PLXNA2: variants seen among roughly 807,000 people sequenced by gnomAD.
PLXNA2 encodes plexin A2, also known as plexin-A2.
In PLXNA2, 91 loss-of-function variants were observed where a neutral mutation model predicts 193.5. The ratio of observed to expected loss-of-function variants is 0.47; its 90% CI spans 0.40 to 0.56. The LOEUF is 0.56. Among genes scored for constraint, PLXNA2 ranks in the 20% least tolerant of loss-of-function variants. The pLI, the probability that PLXNA2 is intolerant of heterozygous loss-of-function variation, is 0.00. For missense variants in PLXNA2, 1,995 were observed against 2,503.2 expected, an observed-to-expected ratio of 0.80 and a Z score of 4.33; for synonymous variants, 997 against 1,027.3, an observed-to-expected ratio of 0.97 and a Z score of 0.56.
In PLXNA2 at chr1:208,045,094, G is replaced by A; in HGVS notation, c.3612C>T (p.Pro1204=). 6.2e-7 allele frequency: 1 copy of A among 1,614,158 alleles called. No homozygotes were observed. The highest frequency in any genetic ancestry group is 8.5e-7 in the Non-Finnish European group (1 of 1,180,026). Residue 1204 remains proline (P), a synonymous_variant, in exon 19 of 32, where the codon CCC becomes CCT. Coordinates refer to ENST00000367033, the MANE Select transcript of PLXNA2 (RefSeq NM_025179.4). ...TGACCTTGTGCTGCCCGGTGAGGTT[G>A]GGAGGCTCGCAGAGAAGCTGGGTCT... ...VSETQLLCEP[P]NLTGQHKVMV...
chr1:208,029,240 T>G, intron 29 of PLXNA2, 198 bp from the exon 30 acceptor site: 1 of 1,403,962 alleles, frequency 7.1e-7, no homozygotes, highest in Non-Finnish European at 9.3e-7. Flanking sequence ...AGAGGCACTT[T>G]GTACCCTAAT....
intron 4 of PLXNA2, among the ~76,000 whole-genome samples, chr1:208,133,378 A>G (rs1668216519): frequency 6.6e-6 from 1 of 152,236 alleles, no homozygotes; most frequent in African/African-American, 2.4e-5. Flanking sequence ...ATTTTTTGCT[A>G]TACAAAAGCA....
At chr1:208,094,669 A>G (rs1160200110) in intron 8 of PLXNA2, among the ~76,000 whole-genome samples, 1 of 152,190 alleles carries the variant, frequency 6.6e-6, no homozygotes, top group African/African-American at 2.4e-5. Flanking sequence ...CAGTGGTTAG[A>G]GGGCAGCTTT....
intron 3 of PLXNA2, among the ~76,000 whole-genome samples, chr1:208,164,490 G>T (rs1371491543): frequency 6.6e-6 from 1 of 152,184 alleles, no homozygotes; most frequent in Non-Finnish European, 1.5e-5. Context: ...TCCATTGAGG[G>T]CCAGTTCCAG....
chr1:208,129,490 G>A (rs1668082282), intron 4 of PLXNA2, among the ~76,000 whole-genome samples: 1 of 152,230 alleles, frequency 6.6e-6, no homozygotes, highest in Non-Finnish European at 1.5e-5. Context: ...GAAATTCTGT[G>A]AGGATGGATG....
At chr1:208,145,445 G>A (rs958959788) in intron 3 of PLXNA2, among the ~76,000 whole-genome samples, 5 of 152,336 alleles carry the variant, frequency 3.3e-5, no homozygotes, top group African/African-American at 9.6e-5. Context: ...GGCTGGAATA[G>A]TCCGCTGTTT....
intron 3 of PLXNA2, among the ~76,000 whole-genome samples, chr1:208,155,700 C>G (rs993378823): frequency 6.6e-6 from 1 of 152,216 alleles, no homozygotes; most frequent in African/African-American, 2.4e-5. Flanking sequence ...TGGCCCAACA[C>G]CCGGCTGCAC....
At chr1:208,219,710 A>G (rs1671259618) in intron 1 of PLXNA2, among the ~76,000 whole-genome samples, 1 of 152,146 alleles carries the variant, frequency 6.6e-6, no homozygotes, top group Admixed American at 6.5e-5. Context: ...CCGTGGTGCC[A>G]CAGTAGGTCC....
chr1:208,087,029 C>A (rs1298864748), intron 9 of PLXNA2, among the ~76,000 whole-genome samples: 1 of 139,870 alleles, frequency 7.1e-6, no homozygotes, highest in Admixed American at 7.2e-5. Flanking sequence ...GACAGACAGA[C>A]AGAGAGACAG....
intron 3 of PLXNA2, among the ~76,000 whole-genome samples, chr1:208,161,564 C>A (rs1669105433): frequency 6.6e-6 from 1 of 152,176 alleles, no homozygotes; most frequent in South Asian, 2.1e-4. Context: ...CTCTGACCAC[C>A]TGAGGGCACG....
chr1:208,054,888 A>G (rs1393905966), intron 13 of PLXNA2, among the ~76,000 whole-genome samples: 1 of 152,196 alleles, frequency 6.6e-6, no homozygotes, highest in Non-Finnish European at 1.5e-5. Context: ...GGGAATGTCT[A>G]ACAGAGATCT....
intron 3 of PLXNA2, among the ~76,000 whole-genome samples, chr1:208,165,021 C>T (rs956468875): frequency 1.3e-5 from 2 of 152,222 alleles, no homozygotes; most frequent in African/African-American, 4.8e-5. Flanking sequence ...CCCTCCGCTT[C>T]TCTTGTGCCC....
At chr1:208,127,274 T>TACACAC (rs10666701) in intron 4 of PLXNA2, among the ~76,000 whole-genome samples, 1 of 152,034 alleles carries the variant, frequency 6.6e-6, no homozygotes, top group Non-Finnish European at 1.5e-5. Context: ...TGTGTGCATG[T>TACACAC]ACACACACAT....
At chr1:208,158,177 C>T (rs114040496) in intron 3 of PLXNA2, among the ~76,000 whole-genome samples, 58 of 152,306 alleles carry the variant, frequency 3.8e-4, no homozygotes, top group African/African-American at 1.4e-3. Flanking sequence ...TACTAGTCCA[C>T]AGTGAGTGTG....
chr1:208,087,177 G>A (rs1270950007), intron 9 of PLXNA2, among the ~76,000 whole-genome samples: 2 of 152,050 alleles, frequency 1.3e-5, no homozygotes, highest in African/African-American at 2.4e-5. Context: ...GCTTTTGGAA[G>A]TATGATGTCT....
chr1:208,147,197 T>G (rs749176393), intron 3 of PLXNA2, among the ~76,000 whole-genome samples: 20 of 150,952 alleles, frequency 1.3e-4, no homozygotes, highest in Non-Finnish European at 2.7e-4. Context: ...ACTTTTTAAT[T>G]TTTTTTTTAG....
At chr1:208,229,036 T>TGAG (rs1013659204) in intron 1 of PLXNA2, among the ~76,000 whole-genome samples, 1 of 152,190 alleles carries the variant, frequency 6.6e-6, no homozygotes, top group Admixed American at 6.5e-5. Context: ...AAACCGGTCC[T>TGAG]GAGGAGGAGG....
At chr1:208,045,632 T>C (rs1665037353) in intron 18 of PLXNA2, among the ~76,000 whole-genome samples, 1 of 152,234 alleles carries the variant, frequency 6.6e-6, no homozygotes, top group Non-Finnish European at 1.5e-5. Flanking sequence ...GCAGTACCTC[T>C]GGTTCCCAAA....
chr1:208,230,565 C>T (rs1270383418), intron 1 of PLXNA2: 1 of 152,286 alleles, frequency 6.6e-6, no homozygotes, highest in African/African-American at 2.4e-5. Context: ...TAGGCTGGGG[C>T]CTCGCATTCT....
Sources: gnomAD v4.1 joint callset for allele counts (sites outside exome capture counted in the v4.1 genomes callset) on GRCh38, gnomAD v4.1.1 for gene constraint, MANE v1.5 for transcripts, NCBI Gene and HGNC (gene_info 2026-07-23, HGNC 2026-07-21) for gene names.